Variants in CDH6 observed in about 807,000 individuals in gnomAD.
The protein encoded by CDH6 is cadherin 6.
A neutral mutation model predicts 78.0 loss-of-function variants in CDH6; 31 were observed. That is an observed-to-expected ratio of 0.40 (90% CI 0.30 to 0.54). CDH6 has a LOEUF of 0.54. Ranked by LOEUF, CDH6 falls within the 20% of genes least tolerant of loss-of-function variation. The pLI, the probability that CDH6 is intolerant of heterozygous loss-of-function variation, is 0.56. For missense variants in CDH6, 724 were observed against 975.9 expected (o/e 0.74, Z 3.44); for synonymous variants, 376 against 368.8 (o/e 1.02, Z -0.23).
At chr5:31,268,689 T>A (rs906040248) in intron 2 of CDH6, among the ~76,000 whole-genome samples, 74 of 152,214 alleles carry the variant, frequency 4.9e-4, no homozygotes, top group African/African-American at 1.7e-3. Flanking sequence ...AGCTATGATT[T>A]TAAGACATCT....
intron 2 of CDH6, among the ~76,000 whole-genome samples, chr5:31,280,433 G>T (rs1579877901): frequency 6.6e-6 from 1 of 152,106 alleles, no homozygotes; most frequent in South Asian, 2.1e-4. Flanking sequence ...CATTCCTTTT[G>T]CGTGTAAGCA....
intron 1 of CDH6, among the ~76,000 whole-genome samples, chr5:31,206,259 G>T (rs1455074211): frequency 6.6e-6 from 1 of 152,094 alleles, no homozygotes; most frequent in Non-Finnish European, 1.5e-5. Flanking sequence ...TACAAAAAAA[G>T]TCAAAGGTAT....
intron 1 of CDH6, among the ~76,000 whole-genome samples, chr5:31,230,549 G>A (rs1238315457): frequency 2.0e-5 from 3 of 152,086 alleles, no homozygotes; most frequent in African/African-American, 4.8e-5. Context: ...AGAAAGCAGC[G>A]GAAGATGTTT....
Position 31,322,947 on chromosome 5 carries a change from C to G in CDH6, c.2012C>G (p.Ala671Gly). ...DEGGGEEDTQAFDIGTLRNPE... is the reference protein window; with the variant it reads ...DEGGGEEDTQGFDIGTLRNPE... ...GGTGGTGGAGAGGAGGACACCCAGG[C>G]TTTTGATATCGGCACCCTGAGGAAT... is the stretch of plus-strand genomic sequence containing the variant. Residue 671 changes from alanine (A) to glycine (G), a missense_variant, in exon 12 of 12, where the codon GCT (alanine) becomes GGT (glycine). Around this residue, in one of 3 missense-constraint regions of CDH6, gnomAD observed 220 missense variants for 240.6 expected, o/e 0.91. Transcript: ENST00000265071. 2 of 1,614,100 alleles carry G rather than the reference C, an allele frequency of 1.2e-6. No homozygotes were observed. Among genetic ancestry groups the G allele is most frequent in the Non-Finnish European group, 1.7e-6 (2 of 1,179,998 alleles).
At chr5:31,276,958 G>A (rs1313486127) in intron 2 of CDH6, among the ~76,000 whole-genome samples, 1 of 152,146 alleles carries the variant, frequency 6.6e-6, no homozygotes, top group African/African-American at 2.4e-5. Context: ...TGTGAAGTGT[G>A]CCTTCAAAGA....
chr5:31,235,171 A>C (rs983989372), intron 1 of CDH6, among the ~76,000 whole-genome samples: 3 of 151,172 alleles, frequency 2.0e-5, no homozygotes, highest in African/African-American at 7.3e-5. Context: ...CCATATAATC[A>C]ATTTCTTTAG....
In CDH6 at chr5:31,294,272, C is replaced by T; in HGVS notation, c.523+16C>T. 1.3e-6 allele frequency: 2 copies of T among 1,599,350 alleles called. No homozygotes were observed. Among genetic ancestry groups the T allele is most frequent in the Non-Finnish European group, 1.7e-6 (2 of 1,172,290 alleles). On this transcript the variant is annotated intron_variant, in intron 3 of 11. Coordinates refer to ENST00000265071, the MANE Select transcript of CDH6 (RefSeq NM_004932.4). The surrounding 1 kb of genome is among the most constrained non-coding windows in gnomAD (Gnocchi z 4.1). Reference sequence around the variant, plus strand: ...TCTGATGTCGGTGAGTGAGACGTGACTTCAGCCAAAAGCTGGCTTTCCCCT... The same window carrying T: ...TCTGATGTCGGTGAGTGAGACGTGATTTCAGCCAAAAGCTGGCTTTCCCCT...
chr5:31,265,774 T>TTG (rs1554007056), intron 1 of CDH6, among the ~76,000 whole-genome samples: 1 of 132,330 alleles, frequency 7.6e-6, no homozygotes, highest in African/African-American at 2.9e-5. Context: ...ACAATGTTTT[T>TTG]TTTTTTTTTT....
Position 31,323,046 on chromosome 5 carries a change from C to T in CDH6, c.2111C>T (p.Pro704Leu). Residue 704 changes from proline (P) to leucine (L), a missense_variant, in exon 12 of 12, where the codon CCA becomes CTA. Pro to Leu is a moderately conservative substitution (Grantham distance 98). Around this residue, in one of 3 missense-constraint regions of CDH6, gnomAD observed 220 missense variants for 240.6 expected, o/e 0.91. Transcript: ENST00000265071. Reference sequence around the variant, plus strand: ...GCCCTTTTCCTACCCCGACGGACTCCAACAGCTCGCGACAACACCGATGTC... The same window carrying T: ...GCCCTTTTCCTACCCCGACGGACTCTAACAGCTCGCGACAACACCGATGTC... ...PEALFLPRRT[P>L]TARDNTDVRD... 6.2e-7 allele frequency: 1 copy of T among 1,614,136 alleles called. No individual in the cohort carries two copies. Among genetic ancestry groups the T allele is most frequent in the East Asian group, 2.2e-5 (1 of 44,864 alleles).
At position 31,326,585 on chromosome 5, in the gene CDH6, G is replaced by C. The variant is rs894653209; in HGVS notation, c.*3277G>C. ...AATGAAATTACTCCCTTTTCAGATGGAACAAAACCTGCCCATTTAATTTTA... is the reference window on the plus strand; with the variant it reads ...AATGAAATTACTCCCTTTTCAGATGCAACAAAACCTGCCCATTTAATTTTA... On this transcript the variant is annotated 3_prime_UTR_variant, in exon 12 of 12. Transcript: ENST00000265071. The C allele has an allele frequency of 5.4e-6, 1 of 184,364 alleles. No homozygotes were observed. The highest frequency in any genetic ancestry group is 1.1e-5 in the Non-Finnish European group (1 of 87,430). 11.4% of individuals were successfully genotyped at this position (184,364 alleles called of 1,614,324 possible).
intron 1 of CDH6, among the ~76,000 whole-genome samples, chr5:31,262,237 T>C (rs191651609): frequency 1.3e-5 from 2 of 152,334 alleles, no homozygotes; most frequent in East Asian, 3.9e-4. Context: ...GAAGTACATA[T>C]GCATATTGGC....
intron 1 of CDH6, among the ~76,000 whole-genome samples, chr5:31,256,150 A>G (rs1467092647): frequency 2.6e-5 from 4 of 152,224 alleles, no homozygotes; most frequent in Admixed American, 6.5e-5. Context: ...TAAATTCCCC[A>G]TCTTTAAATT....
chr5:31,289,380 A>C lies in CDH6; in HGVS notation c.229-4582A>C, dbSNP rs542267423. ...TTTATCCAGTCAACTGTTGGTGAAC[A>C]CATAGGTTGGTTCCATGCCTTTGCT... is the stretch of plus-strand genomic sequence containing the variant. On this transcript the variant is annotated intron_variant, in intron 2 of 11. Coordinates refer to ENST00000265071, the MANE Select transcript of CDH6 (RefSeq NM_004932.4). 1.8e-3 allele frequency among the ~76,000 whole-genome samples: 272 copies of C among 152,326 alleles called. 4 individuals are homozygous for C. Among genetic ancestry groups the C allele is most frequent in the Non-Finnish European group, 3.2e-3 (217 of 68,030 alleles).
Position 31,323,306 on chromosome 5 carries a change from T to C in CDH6, c.2371T>C (p.Ter791GlnextTer27). Reference sequence around the variant, plus strand: ...AGGAGTGGACAGTGACAAAGACTCCTAATCTGTTGCCTTTTTCATTTTCCA... The same window carrying C: ...AGGAGTGGACAGTGACAAAGACTCCCAATCTGTTGCCTTTTTCATTTTCCA... ...YGGVDSDKDS* is the reference protein window; with the variant it reads ...YGGVDSDKDSQ The change falls in exon 12 of 12, where the codon TAA (stop) becomes CAA (glutamine). Residue 791 changes from the stop codon to glutamine, a stop_lost. Transcript: ENST00000265071. 6.3e-7 allele frequency: 1 copy of C among 1,598,784 alleles called. No individual in the cohort carries two copies. The highest frequency in any genetic ancestry group is 8.6e-7 in the Non-Finnish European group (1 of 1,168,244).
intron 1 of CDH6, among the ~76,000 whole-genome samples, chr5:31,196,511 TG>T (rs1466014963): frequency 2.6e-5 from 4 of 152,204 alleles, no homozygotes. Flanking sequence ...CTGAATCCTT[TG>T]AACTATTCAA....
chr5:31,302,821 AAAGAAAG>A (rs1737829936), intron 6 of CDH6, among the ~76,000 whole-genome samples: 2 of 147,420 alleles, frequency 1.4e-5, no homozygotes, highest in Admixed American at 6.8e-5. Flanking sequence ...AGAAAGAAAG[AAAGAAAG>A]AAAGAAAGAA....
chr5:31,219,501 C>T (rs1166714385), intron 1 of CDH6, among the ~76,000 whole-genome samples: 1 of 152,080 alleles, frequency 6.6e-6, no homozygotes, highest in African/African-American at 2.4e-5. Flanking sequence ...CATATGACTG[C>T]CTTCTTCACA....
Position 31,328,560 on chromosome 5 carries a change from G to T in CDH6, c.*5252G>T, listed in dbSNP as rs77481418. On this transcript the variant is annotated 3_prime_UTR_variant, in exon 12 of 12. Transcript: ENST00000265071. ...TGCTTTGAGAGTGAACTGCCTAAGA[G>T]TAGGCCTTATAATAAATGCTATGTG... 5.9e-3 allele frequency: 1,213 copies of T among 206,910 alleles called. 21 individuals carry two copies. Among genetic ancestry groups the T allele is most frequent in the East Asian group, 0.047 (634 of 13,552 alleles). 12.8% of individuals were successfully genotyped at this position (206,910 alleles called of 1,614,324 possible). A position where few individuals can be genotyped will look rare whatever the true frequency, so the allele number is the denominator to read the frequency against.
intron 1 of CDH6, among the ~76,000 whole-genome samples, chr5:31,266,995 A>G (rs1300518023): frequency 2.0e-5 from 3 of 152,236 alleles, no homozygotes; most frequent in Non-Finnish European, 4.4e-5. Context: ...AAATATGCAA[A>G]TAGAATCAGA....
Sources: gnomAD v4.1 joint callset for allele counts (sites outside exome capture counted in the v4.1 genomes callset) on GRCh38, gnomAD v4.1.1 for gene constraint, gnomAD v4.1.1 regional missense constraint, Gnocchi (gnomAD v3.1) non-coding constraint, MANE v1.5 for transcripts, NCBI Gene and HGNC (gene_info 2026-07-23, HGNC 2026-07-21) for gene names.